SLC17A8: variants seen among roughly 807,000 people sequenced by gnomAD.
The protein encoded by SLC17A8 is solute carrier family 17 member 8.
In SLC17A8, 31 loss-of-function variants were observed where a neutral mutation model predicts 58.0. The observed-to-expected ratio is 0.53, with a 90% confidence interval of 0.40 to 0.72. The LOEUF (loss-of-function observed/expected upper bound fraction) is 0.72. SLC17A8 is among the 30% of genes least tolerant of loss of function. The probability of loss-of-function intolerance (pLI) is 0.00; values close to 1 mark genes in which losing one functional copy is unlikely to be tolerated. For missense variants in SLC17A8, 655 were observed against 727.8 expected (o/e 0.90, Z 1.15); for synonymous variants, 228 against 249.0 (o/e 0.92, Z 0.79).
At chr12:100,378,796 T>C (rs1952612259) in intron 1 of SLC17A8, among the ~76,000 whole-genome samples, 1 of 152,148 alleles carries the variant, frequency 6.6e-6, no homozygotes, top group Non-Finnish European at 1.5e-5. Flanking sequence ...GGTTAGGTTC[T>C]TTTCCAATTG....
intron 2 of SLC17A8, among the ~76,000 whole-genome samples, chr12:100,385,964 T>C (rs1254210222): frequency 6.6e-6 from 1 of 152,180 alleles, no homozygotes; most frequent in African/African-American, 2.4e-5. Flanking sequence ...ACAATGTCAC[T>C]CTCATGTCTG....
chr12:100,390,353 A>T (rs1592997732), intron 2 of SLC17A8, among the ~76,000 whole-genome samples: 1 of 147,588 alleles, frequency 6.8e-6, no homozygotes, highest in African/African-American at 2.5e-5. Context: ...TGTTTGTTTC[A>T]TTTTTTTTTT....
intron 3 of SLC17A8, among the ~76,000 whole-genome samples, chr12:100,391,409 A>G (rs753000363): frequency 2.6e-5 from 3 of 115,656 alleles, no homozygotes; most frequent in African/African-American, 6.6e-5. Flanking sequence ...CATTCAAGCA[A>G]CTCTGGTTCC....
intron 2 of SLC17A8, among the ~76,000 whole-genome samples, chr12:100,384,589 A>G (rs1033871715): frequency 2.6e-5 from 4 of 152,076 alleles, no homozygotes; most frequent in Admixed American, 2.0e-4. Context: ...ACAAACAAAA[A>G]ATGGTAGTGG....
intron 1 of SLC17A8, among the ~76,000 whole-genome samples, chr12:100,373,096 C>T (rs913346425): frequency 1.3e-5 from 2 of 152,140 alleles, no homozygotes; most frequent in African/African-American, 4.8e-5. Context: ...TGCCTGAGAA[C>T]AGAGAGCAGG....
At chr12:100,402,021 T>C (rs552218821) in intron 6 of SLC17A8, among the ~76,000 whole-genome samples, 158 bp downstream of exon 6, 35 of 152,306 alleles carry the variant, frequency 2.3e-4, no homozygotes, top group Middle Eastern at 3.4e-3. Context: ...TTAATATTTA[T>C]ATTAAAGTTG....
chr12:100,401,156 C>A (rs1008513713), intron 5 of SLC17A8, among the ~76,000 whole-genome samples: 1 of 151,884 alleles, frequency 6.6e-6, no homozygotes. Context: ...CGCCACCATG[C>A]CAGGCTAATT....
chr12:100,394,090 T>C (rs1029958815), intron 4 of SLC17A8, among the ~76,000 whole-genome samples: 4 of 152,212 alleles, frequency 2.6e-5, no homozygotes, highest in Admixed American at 2.6e-4. Flanking sequence ...ATATTACTCT[T>C]CTTTTGATTT....
Position 100,357,345 on chromosome 12 carries a change from GT to G in SLC17A8, c.-42del. ...ACACTGGAAATGAGGAAGGATGACA[GT>G]TTTTGAGACTGACTGTTAACGGCTC... On this transcript the variant is annotated 5_prime_UTR_variant, in exon 1 of 12. The change abolishes the stop of an existing upstream ORF in the 5' untranslated region. Coordinates refer to ENST00000323346, the MANE Select transcript of SLC17A8 (RefSeq NM_139319.3). 9.2e-7 allele frequency: 1 copy of G among 1,087,716 alleles called. No homozygotes were observed. Among genetic ancestry groups the G allele is most frequent in the Non-Finnish European group, 1.4e-6 (1 of 699,772 alleles). The allele number at this position is 1,087,716 out of a possible 1,614,324, so 67.4% of individuals were successfully genotyped here.
At chr12:100,414,036 A>C (rs1439264925) in intron 10 of SLC17A8, among the ~76,000 whole-genome samples, 1 of 152,216 alleles carries the variant, frequency 6.6e-6, no homozygotes, top group African/African-American at 2.4e-5. Context: ...AAAATTTCAC[A>C]TATATTGTAT....
intron 2 of SLC17A8, among the ~76,000 whole-genome samples, chr12:100,385,233 ATTT>A (rs397850732): frequency 9.4e-6 from 1 of 106,668 alleles, no homozygotes. Flanking sequence ...TGTCTTAAAC[ATTT>A]TTTTTTTTTT....
intron 1 of SLC17A8, among the ~76,000 whole-genome samples, chr12:100,375,177 C>T (rs1439440093): frequency 1.3e-5 from 2 of 150,508 alleles, no homozygotes; most frequent in African/African-American, 4.9e-5. Flanking sequence ...GGCTGGAGTG[C>T]AGTGGCACAA....
intron 5 of SLC17A8, 31 bp downstream of exon 5, chr12:100,396,448 T>G (rs775967823): frequency 6.3e-7 from 1 of 1,584,072 alleles, no homozygotes; most frequent in South Asian, 1.1e-5. Flanking sequence ...ACAAATTTTA[T>G]TTATGAATGC....
chr12:100,398,209 G>A (rs1046729367), intron 5 of SLC17A8, among the ~76,000 whole-genome samples: 5 of 152,082 alleles, frequency 3.3e-5, no homozygotes, highest in Admixed American at 1.3e-4. Context: ...TTTGTGCCTC[G>A]TTGGGAATTG....
rs1592999270 is a variant in SLC17A8 at position 100,393,485 on chromosome 12, T to C, written c.588+2T>C. The C allele has an allele frequency of 1.2e-6, 2 of 1,601,322 alleles. No homozygotes were observed. The highest frequency in any genetic ancestry group is 2.2e-5 in the East Asian group (1 of 44,744). On this transcript the variant is annotated splice_donor_variant, in intron 4 of 11. Coordinates refer to ENST00000323346, the MANE Select transcript of SLC17A8 (RefSeq NM_139319.3). LOFTEE classifies it high-confidence loss of function. Reference sequence around the variant, plus strand: ...AGAATTCTGCAAGGTTTAGTGGAGGTAGGAGATACTTTCCTTACAGTTTTT... The same window carrying C: ...AGAATTCTGCAAGGTTTAGTGGAGGCAGGAGATACTTTCCTTACAGTTTTT...
At chr12:100,364,575 G>C (rs78429955) in intron 1 of SLC17A8, among the ~76,000 whole-genome samples, 1 of 152,284 alleles carries the variant, frequency 6.6e-6, no homozygotes, top group African/African-American at 2.4e-5. Context: ...GACATCAACT[G>C]GCCAAGTCAG....
chr12:100,399,508 T>C, intron 5 of SLC17A8, among the ~76,000 whole-genome samples: 1 of 152,094 alleles, frequency 6.6e-6, no homozygotes, highest in East Asian at 1.9e-4. Flanking sequence ...CAGTTCTGCA[T>C]GGCTGGGGAG....
chr12:100,357,077 C>G lies in SLC17A8; in HGVS notation c.-315C>G. The G allele has an allele frequency of 2.7e-6, 1 of 367,180 alleles. No individual in the cohort carries two copies. Among genetic ancestry groups the G allele is most frequent in the Non-Finnish European group, 5.3e-6 (1 of 189,810 alleles). The allele number at this position is 367,180 out of a possible 1,614,324, so 22.7% of individuals were successfully genotyped here. On this transcript the variant is annotated 5_prime_UTR_variant, in exon 1 of 12. Coordinates refer to ENST00000323346, the MANE Select transcript of SLC17A8 (RefSeq NM_139319.3). ...GGGAGGGAGAGAGGCTGCGCTCAGT[C>G]TGAGAGTGGCTGCCTGAGACAGCTG...
At chr12:100,366,047 CTTCTTT>C in intron 1 of SLC17A8, among the ~76,000 whole-genome samples, 2 of 107,468 alleles carry the variant, frequency 1.9e-5, no homozygotes, top group African/African-American at 8.2e-5. Flanking sequence ...ACCGTGATCC[CTTCTTT>C]TTTTTTTTTT....
Sources: gnomAD v4.1 joint callset for allele counts (sites outside exome capture counted in the v4.1 genomes callset) on GRCh38, gnomAD v4.1.1 for gene constraint, MANE v1.5 for transcripts, NCBI Gene and HGNC (gene_info 2026-07-23, HGNC 2026-07-21) for gene names.